DAAM1: variants seen among roughly 807,000 people sequenced by gnomAD.
DAAM1 encodes disheveled-associated activator of morphogenesis 1.
DAAM1 carries 52 observed loss-of-function variants against 130.0 expected under a neutral mutation model. The ratio of observed to expected loss-of-function variants is 0.40; its 90% CI spans 0.32 to 0.50. The LOEUF is 0.50. DAAM1 is among the 20% of genes least tolerant of loss of function. DAAM1 has a pLI of 0.61. For synonymous variants in DAAM1, 452 were observed against 444.5 expected (o/e 1.02, Z -0.21); for missense variants, 1,134 against 1,303.8 (o/e 0.87, Z 2.01).
At chr14:59,262,788 T>C (rs988839042) in intron 1 of DAAM1, among the ~76,000 whole-genome samples, 1 of 152,108 alleles carries the variant, frequency 6.6e-6, no homozygotes. Context: ...GTCCTGGCTT[T>C]GTTGTAAATT....
intron 3 of DAAM1, among the ~76,000 whole-genome samples, chr14:59,293,094 A>G (rs1438227175): frequency 6.6e-6 from 1 of 152,224 alleles, no homozygotes; most frequent in African/African-American, 2.4e-5. Flanking sequence ...AGTTGCGGGT[A>G]TACACAGAGG....
intron 1 of DAAM1, among the ~76,000 whole-genome samples, chr14:59,238,560 C>T (rs1270479193): frequency 6.6e-6 from 1 of 152,032 alleles, no homozygotes; most frequent in African/African-American, 2.4e-5. Flanking sequence ...AGCACTTGTA[C>T]TTACTGTGAT....
chr14:59,253,214 TGTCTTTCCTAAA>T (rs1195162137), intron 1 of DAAM1, among the ~76,000 whole-genome samples: 1 of 152,250 alleles, frequency 6.6e-6, no homozygotes, highest in Admixed American at 6.5e-5. Context: ...AGGATGTAAG[TGTCTTTCCTAAA>T]GTCATTCCAA....
chr14:59,323,338 T>G (rs1885092128), intron 6 of DAAM1, 113 bp downstream of exon 6: 2 of 1,144,338 alleles, frequency 1.7e-6, no homozygotes, highest in African/African-American at 3.1e-5. Flanking sequence ...TTGTGGTGAT[T>G]ACTCACAGTG....
intron 1 of DAAM1, among the ~76,000 whole-genome samples, chr14:59,228,416 GA>G (rs1237907479): frequency 2.6e-5 from 4 of 151,600 alleles, no homozygotes; most frequent in African/African-American, 7.3e-5. Flanking sequence ...CAACTTCCAA[GA>G]AAAAAAACTA....
intron 20 of DAAM1, among the ~76,000 whole-genome samples, chr14:59,358,431 A>G (rs1455870367): frequency 6.6e-6 from 1 of 152,240 alleles, no homozygotes. Context: ...TAAATTAGGA[A>G]GTGGATTCAG....
At chr14:59,237,741 A>C (rs558288794) in intron 1 of DAAM1, among the ~76,000 whole-genome samples, 1 of 152,118 alleles carries the variant, frequency 6.6e-6, no homozygotes, top group Non-Finnish European at 1.5e-5. Flanking sequence ...TCTTCTCCCT[A>C]CTTTCCACAG....
intron 1 of DAAM1, among the ~76,000 whole-genome samples, chr14:59,250,789 G>A (rs1044101416): frequency 1.3e-5 from 2 of 152,222 alleles, no homozygotes; most frequent in African/African-American, 4.8e-5. Flanking sequence ...GGAAGTATAT[G>A]CATCCCGTAT....
intron 22 of DAAM1, among the ~76,000 whole-genome samples, chr14:59,361,791 T>C (rs566985933): frequency 1.8e-4 from 27 of 152,308 alleles, no homozygotes; most frequent in African/African-American, 6.0e-4. Flanking sequence ...GGGCCTGCTC[T>C]GGGTGAAGGA....
intron 1 of DAAM1, among the ~76,000 whole-genome samples, chr14:59,261,001 C>G (rs1287582365): frequency 1.3e-5 from 2 of 152,130 alleles, no homozygotes; most frequent in Non-Finnish European, 2.9e-5. Context: ...GAGCTGAAAT[C>G]CACTGAAAGC....
At chr14:59,261,924 A>T (rs1358648467) in intron 1 of DAAM1, among the ~76,000 whole-genome samples, 1 of 152,178 alleles carries the variant, frequency 6.6e-6, no homozygotes, top group African/African-American at 2.4e-5. Flanking sequence ...TCTTTCTTCT[A>T]TGTGTATACT....
At position 59,369,979 on chromosome 14, in the gene DAAM1, A is replaced by C. The variant is rs1202206901; in HGVS notation, c.*1120A>C. 1 of 151,856 alleles carries C rather than the reference A, an allele frequency of 6.6e-6. No homozygotes were observed. Among genetic ancestry groups the C allele is most frequent in the Non-Finnish European group, 1.5e-5 (1 of 67,914 alleles). The allele number at this position is 151,856 out of a possible 1,614,324, so 9.4% of individuals were successfully genotyped here. A position where few individuals can be genotyped will look rare whatever the true frequency, so the allele number is the denominator to read the frequency against. Reference sequence around the variant, plus strand: ...TGTTGTCATTTTAAAATTGTGTGTCAGTAAAGCTACCTGTAAAATTTCAGT... The same window carrying C: ...TGTTGTCATTTTAAAATTGTGTGTCCGTAAAGCTACCTGTAAAATTTCAGT... On this transcript the variant is annotated 3_prime_UTR_variant, in exon 25 of 25. Transcript: ENST00000360909.
At chr14:59,290,372 G>C (rs1005854865) in intron 2 of DAAM1, among the ~76,000 whole-genome samples, 2 of 152,084 alleles carry the variant, frequency 1.3e-5, no homozygotes, top group Non-Finnish European at 2.9e-5. Context: ...CTTAAAACAC[G>C]ACTCCACTAT....
chr14:59,239,235 A>G (rs916208555), intron 1 of DAAM1, among the ~76,000 whole-genome samples: 2 of 152,206 alleles, frequency 1.3e-5, no homozygotes, highest in African/African-American at 4.8e-5. Context: ...TATGGTGCTA[A>G]CACTTACTTT....
intron 1 of DAAM1, among the ~76,000 whole-genome samples, chr14:59,192,562 G>T (rs898167106): frequency 3.9e-5 from 6 of 152,176 alleles, no homozygotes; most frequent in African/African-American, 1.4e-4. Flanking sequence ...TCCAACTTGG[G>T]TTAGCAAACT....
At chr14:59,204,215 G>A (rs2139399237) in intron 1 of DAAM1, among the ~76,000 whole-genome samples, 1 of 152,328 alleles carries the variant, frequency 6.6e-6, no homozygotes, top group South Asian at 2.1e-4. Context: ...CAAAAATCCA[G>A]GTGTCAGCCA....
chr14:59,339,065 G>A (rs1346597142), intron 15 of DAAM1, among the ~76,000 whole-genome samples: 2 of 152,144 alleles, frequency 1.3e-5, no homozygotes, highest in African/African-American at 2.4e-5. Context: ...ATAAATTCAC[G>A]AGGCTTAGTA....
rs772370526 is a variant in DAAM1, at chr14:59,368,779, T to C, written c.3127T>C (p.Leu1043=). The C allele has an allele frequency of 1.6e-5, 26 of 1,613,926 alleles. No individual in the cohort carries two copies. The highest frequency in any genetic ancestry group is 1.1e-4 in the African/African-American group (8 of 74,928). ...GEVFDKDLSK[L]KRNRKRITNQ... is the part of the protein sequence containing the mutation. The stretch of plus-strand genomic sequence containing the variant: ...AGTGTTTGACAAAGACCTTTCTAAA[T>C]TGAAACGGAATCGCAAACGTATTAC... Residue 1043 remains leucine (L), a synonymous_variant, in exon 25 of 25, where the codon TTG becomes CTG. Transcript: ENST00000360909.
intron 3 of DAAM1, among the ~76,000 whole-genome samples, chr14:59,292,907 T>A (rs893333586): frequency 2.0e-5 from 3 of 152,250 alleles, no homozygotes; most frequent in Non-Finnish European, 4.4e-5. Context: ...ACCTCTTTTT[T>A]ATTGAACTGA....
Sources: gnomAD v4.1 joint callset for allele counts (sites outside exome capture counted in the v4.1 genomes callset) on GRCh38, gnomAD v4.1.1 for gene constraint, MANE v1.5 for transcripts, NCBI Gene and HGNC (gene_info 2026-07-23, HGNC 2026-07-21) for gene names.